CNTN5: variants seen among roughly 807,000 people sequenced by gnomAD.
CNTN5 encodes the protein contactin 5.
A neutral mutation model predicts 129.1 loss-of-function variants in CNTN5; 77 were observed. That is an observed-to-expected ratio of 0.60 (90% CI 0.50 to 0.72). The LOEUF is 0.72. CNTN5 is among the 30% of genes least tolerant of loss of function. The pLI is 0.00. For missense variants in CNTN5, 1,478 were observed against 1,328.8 expected (o/e 1.11, Z -1.75); for synonymous variants, 509 against 465.6 (o/e 1.09, Z -1.20).
intron 4 of CNTN5, among the ~76,000 whole-genome samples, chr11:99,841,529 A>G (rs1230927729): frequency 1.3e-5 from 2 of 151,854 alleles, no homozygotes; most frequent in East Asian, 3.9e-4. Flanking sequence ...ATATACATAT[A>G]TAAAATCATG....
rs981416418 is a variant in CNTN5 at position 99,641,635 on chromosome 11, T to C, written c.55+85366T>C. ...GGCCTATGAAAGAGATGTCGGCTAA[T>C]GGGGATTTCTGGAGTCAGTGCCATT... On this transcript the variant is annotated intron_variant, in intron 3 of 24. Coordinates refer to ENST00000524871, the MANE Select transcript of CNTN5 (RefSeq NM_014361.4). Among the ~76,000 whole-genome samples the C allele has an allele frequency of 3.3e-5, 5 of 152,142 alleles. No individual in the cohort carries two copies. The East Asian group carries it at 9.7e-4, about 29-fold the overall frequency.
intron 2 of CNTN5, among the ~76,000 whole-genome samples, chr11:99,369,937 T>A (rs1045991215): frequency 6.6e-6 from 1 of 152,150 alleles, no homozygotes; most frequent in Non-Finnish European, 1.5e-5. Flanking sequence ...TTAAAACTTC[T>A]GTGAGGACAG....
At chr11:99,145,699 C>T (rs1283822221) in intron 1 of CNTN5, among the ~76,000 whole-genome samples, 2 of 152,044 alleles carry the variant, frequency 1.3e-5, no homozygotes, top group Non-Finnish European at 2.9e-5. Context: ...CATGTCAGCT[C>T]AAACGGCAAG....
At chr11:99,799,416 A>C (rs754697674) in intron 3 of CNTN5, among the ~76,000 whole-genome samples, 8 of 151,816 alleles carry the variant, frequency 5.3e-5, no homozygotes, top group Non-Finnish European at 1.0e-4. Context: ...ATCTTGATGT[A>C]TGTTCATTCA....
At chr11:99,158,642 A>G (rs1450911100) in intron 1 of CNTN5, among the ~76,000 whole-genome samples, 1 of 152,208 alleles carries the variant, frequency 6.6e-6, no homozygotes, top group African/African-American at 2.4e-5. Context: ...TCTAATGAAC[A>G]CATCATTGGG....
intron 2 of CNTN5, among the ~76,000 whole-genome samples, chr11:99,410,004 T>A (rs1591640805): frequency 6.6e-6 from 1 of 152,214 alleles, no homozygotes; most frequent in African/African-American, 2.4e-5. Context: ...TTATCCAACA[T>A]GCAATAAGTT....
intron 6 of CNTN5, among the ~76,000 whole-genome samples, chr11:99,897,546 C>T (rs1591382630): frequency 6.6e-6 from 1 of 152,020 alleles, no homozygotes; most frequent in Admixed American, 6.6e-5. Context: ...TTACTACAAA[C>T]TAAGCTTCAT....
chr11:100,205,768 G>T (rs1308553069), intron 15 of CNTN5, among the ~76,000 whole-genome samples: 3 of 152,018 alleles, frequency 2.0e-5, no homozygotes, highest in Non-Finnish European at 4.4e-5. Flanking sequence ...ATAATTTAAA[G>T]TATACTGTAG....
Position 99,259,294 on chromosome 11 carries a change from C to T in CNTN5, c.-209-66052C>T, listed in dbSNP as rs567288541. ...ATAATCTAGTATTTTTCCTCTGCGCCCTTACTTCTAAAATCCTATACCCAT... is the reference window on the plus strand; with the variant it reads ...ATAATCTAGTATTTTTCCTCTGCGCTCTTACTTCTAAAATCCTATACCCAT... On this transcript the variant is annotated intron_variant, in intron 1 of 24. Coordinates refer to ENST00000524871, the MANE Select transcript of CNTN5 (RefSeq NM_014361.4). 4.6e-5 allele frequency among the ~76,000 whole-genome samples: 7 copies of T among 151,620 alleles called. No homozygotes were observed. The East Asian group carries it at 1.4e-3, about 29-fold the overall frequency.
At chr11:99,355,875 G>T (rs965424874) in intron 2 of CNTN5, among the ~76,000 whole-genome samples, 11 of 148,218 alleles carry the variant, frequency 7.4e-5, no homozygotes, top group African/African-American at 2.7e-4. Context: ...CGCCCAGGCC[G>T]GAGTGCAGTG....
chr11:99,065,110 A>G (rs1169378073), intron 1 of CNTN5, among the ~76,000 whole-genome samples: 1 of 152,132 alleles, frequency 6.6e-6, no homozygotes, highest in Non-Finnish European at 1.5e-5. Context: ...AAAAAGCAAG[A>G]TGATACCAAT....
intron 4 of CNTN5, among the ~76,000 whole-genome samples, chr11:99,824,646 TA>T (rs966533918): frequency 4.0e-4 from 60 of 151,788 alleles, no homozygotes; most frequent in African/African-American, 1.0e-3. Flanking sequence ...TTTCATGTCC[TA>T]AAAAAAACCC....
At chr11:99,328,625 C>T (rs899023927) in intron 2 of CNTN5, among the ~76,000 whole-genome samples, 1 of 151,948 alleles carries the variant, frequency 6.6e-6, no homozygotes, top group Non-Finnish European at 1.5e-5. Context: ...AATCCCAGCC[C>T]TTTGGAAGGC....
At chr11:99,920,787 C>T (rs772476983) in intron 7 of CNTN5, among the ~76,000 whole-genome samples, 16 of 150,440 alleles carry the variant, frequency 1.1e-4, no homozygotes, top group Non-Finnish European at 1.8e-4. Context: ...ACTCTCATGA[C>T]TTGATCACTT....
At chr11:99,122,985 G>A (rs1858427095) in intron 1 of CNTN5, among the ~76,000 whole-genome samples, 1 of 152,048 alleles carries the variant, frequency 6.6e-6, no homozygotes, top group African/African-American at 2.4e-5. Context: ...TTGCTGTCTT[G>A]AATAGTGCTG....
intron 9 of CNTN5, among the ~76,000 whole-genome samples, chr11:100,022,241 G>A (rs139553606): frequency 3.0e-4 from 45 of 152,210 alleles, no homozygotes; most frequent in African/African-American, 9.1e-4. Context: ...CTTTTAAACC[G>A]TTTTGAGTTT....
At chr11:99,608,370 AAG>A (rs1356193396) in intron 3 of CNTN5, among the ~76,000 whole-genome samples, 2 of 152,150 alleles carry the variant, frequency 1.3e-5, no homozygotes, top group Admixed American at 6.5e-5. Context: ...ACTAGGTAGT[AAG>A]GGCAATGCAT....
intron 1 of CNTN5, among the ~76,000 whole-genome samples, chr11:99,075,183 C>A (rs1034977103): frequency 1.3e-5 from 2 of 152,158 alleles, no homozygotes; most frequent in African/African-American, 4.8e-5. Flanking sequence ...TTGAAAATCA[C>A]ATTTTGTTTC....
At chr11:99,794,294 C>T (rs775731619) in intron 3 of CNTN5, among the ~76,000 whole-genome samples, 3 of 151,466 alleles carry the variant, frequency 2.0e-5, no homozygotes, top group Non-Finnish European at 2.9e-5. Flanking sequence ...TCCTCCATCC[C>T]TTTACTGTGA....
Sources: allele counts gnomAD v4.1 joint callset (sites outside exome capture counted in the v4.1 genomes callset), GRCh38; gene constraint gnomAD v4.1.1; transcripts MANE v1.5; gene names NCBI Gene and HGNC (gene_info 2026-07-23, HGNC 2026-07-21).